Variants in CHD8 observed in about 807,000 individuals in gnomAD.
CHD8 encodes chromodomain helicase DNA binding protein 8, also known as ATP-dependent chromatin remodeler CHD8.
Under a neutral mutation model 279.2 loss-of-function variants are expected in CHD8, and 31 were observed. The observed-to-expected ratio is 0.11, with a 90% confidence interval of 0.08 to 0.15. The LOEUF (loss-of-function observed/expected upper bound fraction) is 0.15. Among genes scored for constraint, CHD8 ranks in the 10% least tolerant of loss-of-function variants. CHD8 has a pLI of 1.00. For missense variants in CHD8, 2,146 were observed against 3,230.5 expected, an observed-to-expected ratio of 0.66 and a Z score of 8.14; for synonymous variants, 1,081 against 1,139.6, an observed-to-expected ratio of 0.95 and a Z score of 1.04.
chr14:21,420,462 T>A (rs1417597411), intron 5 of CHD8, among the ~76,000 whole-genome samples: 3 of 152,166 alleles, frequency 2.0e-5, no homozygotes, highest in East Asian at 1.9e-4. Context: ...CATCTGTTGA[T>A]AAATATTAAA....
Position 21,400,441 on chromosome 14 carries a change from G to A in CHD8, c.4542C>T (p.Gly1514=). ...AATGATTCTGCAATTCTTTTGTCTTGCCATTTTCAGCTGGGCTAATCAAGT... is the reference window on the plus strand; with the variant it reads ...AATGATTCTGCAATTCTTTTGTCTTACCATTTTCAGCTGGGCTAATCAAGT... ...IWDLISPAEN[G]KTKELQNHSG... is the part of the protein sequence containing the mutation. Residue 1514 remains glycine (G), a synonymous_variant, in exon 23 of 38, where the codon GGC becomes GGT. Coordinates refer to ENST00000646647, the MANE Select transcript of CHD8 (RefSeq NM_001170629.2). This position sits in a 1 kb window ranked among gnomAD's most constrained non-coding sequence, Gnocchi z 4.2. The A allele has an allele frequency of 6.2e-7, 1 of 1,600,660 alleles. No homozygotes were observed. The highest frequency in any genetic ancestry group is 8.5e-7 in the Non-Finnish European group (1 of 1,176,498).
Position 21,386,152 on chromosome 14 carries a change from T to C in CHD8, c.7207A>G (p.Asn2403Asp). Residue 2403 changes from asparagine (N) to aspartate (D), a missense_variant, in exon 38 of 38, where the codon AAC becomes GAC. By Grantham distance (23) the Asn-to-Asp change is conservative. Transcript: ENST00000646647. ...KKGHHTETVF[N>D]RVLPGPIAPE... ...GCAATAGGCCCTGGCAAAACCCGGT[T>C]GAACACCGTTTCAGTGTGATGACCC... 1.3e-6 allele frequency: 2 copies of C among 1,552,056 alleles called. No individual in the cohort carries two copies. The highest frequency in any genetic ancestry group is 1.7e-6 in the Non-Finnish European group (2 of 1,147,188).
chr14:21,403,292 G>A lies in CHD8; in HGVS notation c.3519-80C>T. On this transcript the variant is annotated intron_variant, in intron 17 of 37. Coordinates refer to ENST00000646647, the MANE Select transcript of CHD8 (RefSeq NM_001170629.2). The surrounding 1 kb of genome is among the most constrained non-coding windows in gnomAD (Gnocchi z 4.3). ...AAACAGCAGGCTAGGATCAATACCA[G>A]TACTCCCATATCAAAGCTGGTCAAA... The A allele has an allele frequency of 3.6e-6, 5 of 1,401,780 alleles. No individual in the cohort carries two copies. The highest frequency in any genetic ancestry group is 4.9e-6 in the Non-Finnish European group (5 of 1,016,648). The allele number at this position is 1,401,780 out of a possible 1,614,324, so 86.8% of individuals were successfully genotyped here.
In CHD8 at chr14:21,393,563, G is replaced by A. The variant is rs188900504; in HGVS notation, c.6232C>T (p.Leu2078=). Residue 2078 remains leucine (L), a synonymous_variant, in exon 32 of 38, where the codon CTG becomes TTG. Coordinates refer to ENST00000646647, the MANE Select transcript of CHD8 (RefSeq NM_001170629.2). ...GAGGAAGAAGAAGAAGATGGTGACAGCTTGCTCAAGTCCAGCTCAGAGTCC... is the reference window on the plus strand; with the variant it reads ...GAGGAAGAAGAAGAAGATGGTGACAACTTGCTCAAGTCCAGCTCAGAGTCC... ...DSDSELDLSK[L]SPSSSSSSSS... is the part of the protein sequence containing the mutation. 452 of 1,611,542 alleles carry A rather than the reference G, an allele frequency of 2.8e-4. 2 individuals carry two copies. In the East Asian group the frequency reaches 9.7e-3, roughly 35 times the overall value.
chr14:21,427,856 A>G lies in CHD8; in HGVS notation c.1601+13T>C. The G allele has an allele frequency of 6.2e-7, 1 of 1,612,600 alleles. No individual in the cohort carries two copies. The highest frequency in any genetic ancestry group is 2.2e-5 in the East Asian group (1 of 44,876). On this transcript the variant is annotated intron_variant, in intron 4 of 37. Transcript: ENST00000646647. ...CTCTTGCACGTCCCATCACAGTAGC[A>G]AGGAGTACTCACTTGAGCTTGCTCT...
At position 21,394,953 on chromosome 14, in the gene CHD8, G is replaced by C; in HGVS notation, c.5349C>G (p.Ala1783=). 6.2e-7 allele frequency: 1 copy of C among 1,613,986 alleles called. No homozygotes were observed. The highest frequency in any genetic ancestry group is 1.6e-4 in the Middle Eastern group (1 of 6,062). Residue 1783 remains alanine, a synonymous_variant, in exon 30 of 38, where the codon GCC becomes GCG. Transcript: ENST00000646647. ...GCCGTGCAATTTCTTTCAGCTTGAA[G>C]GCTGCTTCACAACGCCGCCTTCGCC... ...GDRRRRRCEA[A]FKLKEIARRE... is the part of the protein sequence containing the mutation.
intron 5 of CHD8, chr14:21,419,924 G>A (rs895687810): frequency 3.7e-5 from 9 of 244,528 alleles, no homozygotes; most frequent in South Asian, 8.7e-5. Context: ...GTAAGTAGTC[G>A]GGCCGTGAGG....
At chr14:21,395,184 T>A in intron 29 of CHD8, 65 bp from the exon 30 acceptor site, 2 of 1,552,190 alleles carry the variant, frequency 1.3e-6, no homozygotes, top group Non-Finnish European at 1.8e-6. Flanking sequence ...TACTAGTATT[T>A]TAACCCACCC....
intron 2 of CHD8, 100 bp from the exon 3 acceptor site, chr14:21,429,435 C>G (rs1455044050): frequency 8.2e-7 from 1 of 1,218,712 alleles, no homozygotes; most frequent in Admixed American, 1.7e-5. Flanking sequence ...ATAAAAACTA[C>G]AGGTCAGAAG....
chr14:21,404,257 G>A (rs1010043840), intron 16 of CHD8, among the ~76,000 whole-genome samples: 1 of 151,772 alleles, frequency 6.6e-6, no homozygotes, highest in African/African-American at 2.4e-5. Flanking sequence ...AAATTAGCTG[G>A]GTGTGGTAGC....
Position 21,392,806 on chromosome 14 carries a change from G to A in CHD8, c.6472C>T (p.Arg2158Cys), listed in dbSNP as rs371915075. Reference protein sequence around the residue: ...RQRASEWPKDRVLINRIDLVC... With the variant: ...RQRASEWPKDCVLINRIDLVC... ...AGGTCAATACGGTTTATCAGGACAC[G>A]ATCCTGAATGGGGAAAGAAAGAAAT... is the stretch of plus-strand genomic sequence containing the variant. The change falls in exon 34 of 38, where the codon CGT becomes TGT. Residue 2158 changes from arginine (R) to cysteine (C), a missense_variant. Physicochemically the swap from Arg to Cys is radical, Grantham distance 180. Transcript: ENST00000646647. 19 of 1,612,980 alleles carry A rather than the reference G, an allele frequency of 1.2e-5. No individual in the cohort carries two copies. Among genetic ancestry groups the A allele is most frequent in the African/African-American group, 5.3e-5 (4 of 74,854 alleles).
intron 37 of CHD8, among the ~76,000 whole-genome samples, chr14:21,387,649 A>T (rs1887320242): frequency 6.6e-6 from 1 of 150,660 alleles, no homozygotes; most frequent in African/African-American, 2.4e-5. Context: ...AAAAAAAAAA[A>T]AAAAAAAAAA....
At chr14:21,448,790 C>G in intron 1 of CHD8, among the ~76,000 whole-genome samples, 1 of 151,358 alleles carries the variant, frequency 6.6e-6, no homozygotes, top group South Asian at 2.1e-4. Flanking sequence ...GTCTCAAACT[C>G]CTGACCTCAT....
chr14:21,428,334 G>T, intron 3 of CHD8, 80 bp from the exon 4 acceptor site: 2 of 1,299,220 alleles, frequency 1.5e-6, no homozygotes, highest in Non-Finnish European at 2.1e-6. Context: ...AAGCAGGGGG[G>T]CTAGAAACTA....
chr14:21,418,264 TC>T (rs1888834732), intron 5 of CHD8, among the ~76,000 whole-genome samples: 1 of 152,146 alleles, frequency 6.6e-6, no homozygotes, highest in Non-Finnish European at 1.5e-5. Flanking sequence ...ACGCCTGTAA[TC>T]CCAGCACTTT....
rs374379959 is a variant in CHD8, at chr14:21,393,691, C to T, written c.6104G>A (p.Arg2035Gln). ...CATCTCATAGTCTTGTGGGGTTGGTCGGCTCCTGGCCACCACCTCGTGCTC... is the reference window on the plus strand; with the variant it reads ...CATCTCATAGTCTTGTGGGGTTGGTTGGCTCCTGGCCACCACCTCGTGCTC... ...KLEHEVVARS[R>Q]PTPQDYEMRV... The change falls in exon 32 of 38, where the codon CGA becomes CAA. Residue 2035 changes from arginine to glutamine, a missense_variant. Physicochemically the swap from Arg to Gln is conservative, Grantham distance 43 (BLOSUM62 1). This residue lies in a region of CHD8 where 513 missense variants were observed against 637.6 expected (regional missense o/e 0.80). Transcript: ENST00000646647. 2.5e-6 allele frequency: 4 copies of T among 1,613,812 alleles called. No homozygotes were observed. Among genetic ancestry groups the T allele is most frequent in the Non-Finnish European group, 3.4e-6 (4 of 1,179,886 alleles).
At chr14:21,392,447 A>T in intron 34 of CHD8, 60 bp downstream of exon 34, 1 of 1,484,866 alleles carries the variant, frequency 6.7e-7, no homozygotes, top group Non-Finnish European at 9.1e-7. Flanking sequence ...TAGTAAAATT[A>T]GTTACAGCAA....
intron 9 of CHD8, 185 bp downstream of exon 9, chr14:21,414,116 C>A: frequency 1.8e-6 from 1 of 543,104 alleles, no homozygotes; most frequent in Non-Finnish European, 3.3e-6. Context: ...ATAAATGAAC[C>A]ATATTTAAAC....
chr14:21,408,164 T>C lies in CHD8; in HGVS notation c.2730+148A>G, dbSNP rs373795486. Reference sequence around the variant, plus strand: ...CAAAAAAATGCCCTGCACACTGCTATACAAAAATGCCTTAAACCATAGGCA... The same window carrying C: ...CAAAAAAATGCCCTGCACACTGCTACACAAAAATGCCTTAAACCATAGGCA... On this transcript the variant is annotated intron_variant, in intron 13 of 37. Transcript: ENST00000646647. This position sits in a 1 kb window ranked among gnomAD's most constrained non-coding sequence, Gnocchi z 4.3. The C allele has an allele frequency of 8.1e-4, 749 of 927,578 alleles. 2 individuals are homozygous for C. Among genetic ancestry groups the C allele is most frequent in the Middle Eastern group, 6.3e-3 (28 of 4,428 alleles). 57.5% of individuals were successfully genotyped at this position (927,578 alleles called of 1,614,324 possible).
Sources: gnomAD v4.1 joint callset for allele counts (sites outside exome capture counted in the v4.1 genomes callset) on GRCh38, gnomAD v4.1.1 for gene constraint, gnomAD v4.1.1 regional missense constraint, Gnocchi (gnomAD v3.1) non-coding constraint, MANE v1.5 for transcripts, NCBI Gene and HGNC (gene_info 2026-07-23, HGNC 2026-07-21) for gene names.